The following CTNNA1 variants were observed in gnomAD, a reference collection of about 807,000 sequenced individuals.
CTNNA1 encodes the protein catenin alpha-1.
A neutral mutation model predicts 98.4 loss-of-function variants in CTNNA1; 37 were observed. That is an observed-to-expected ratio of 0.38 (90% CI 0.29 to 0.49). CTNNA1 has a LOEUF of 0.49. CTNNA1 is among the 20% of genes least tolerant of loss of function. The probability of loss-of-function intolerance (pLI) is 0.95; values close to 1 mark genes in which losing one functional copy is unlikely to be tolerated. For synonymous variants in CTNNA1, 404 were observed against 413.2 expected (o/e 0.98, Z 0.27); for missense variants, 761 against 1,147.2 (o/e 0.66, Z 4.86).
intron 7 of CTNNA1, among the ~76,000 whole-genome samples, chr5:138,850,806 A>T (rs1021127442): frequency 6.6e-6 from 1 of 152,226 alleles, no homozygotes; most frequent in Non-Finnish European, 1.5e-5. Flanking sequence ...GAGCCCAAAG[A>T]TGGATGCTTC....
In CTNNA1 at chr5:138,924,634, C is replaced by A. The variant is rs1763618320; in HGVS notation, c.1671C>A (p.Thr557=). Residue 557 remains threonine (T), a synonymous_variant, in exon 12 of 18, where the codon ACC becomes ACA. Coordinates refer to ENST00000302763, the MANE Select transcript of CTNNA1 (RefSeq NM_001903.5). ...CAGCCCGGGTCATTCACGTAGTCAC[C>A]TCAGAGATGGACAACTATGAGCCAG... is the stretch of plus-strand genomic sequence containing the variant. ...GRAARVIHVV[T]SEMDNYEPGV... 6.2e-7 allele frequency: 1 copy of A among 1,612,718 alleles called. No homozygotes were observed. The highest frequency in any genetic ancestry group is 1.7e-5 in the Admixed American group (1 of 59,802).
intron 10 of CTNNA1, among the ~76,000 whole-genome samples, chr5:138,911,682 C>G (rs568674303): frequency 6.6e-6 from 1 of 152,312 alleles, no homozygotes; most frequent in South Asian, 2.1e-4. Flanking sequence ...AGACCCATTT[C>G]AGAATTCTGA....
intron 3 of CTNNA1, among the ~76,000 whole-genome samples, chr5:138,807,483 C>T (rs1758213662): frequency 6.6e-6 from 1 of 151,996 alleles, no homozygotes; most frequent in Non-Finnish European, 1.5e-5. Context: ...GTGCTTCCTC[C>T]TTTGAATTCC....
intron 1 of CTNNA1, among the ~76,000 whole-genome samples, chr5:138,775,912 G>C (rs1275497594): frequency 2.0e-5 from 3 of 151,104 alleles, no homozygotes; most frequent in Non-Finnish European, 3.0e-5. Context: ...ATTTTTAGTA[G>C]AGACGGGGTT....
Position 138,930,916 on chromosome 5 carries a change from G to A in CTNNA1, c.2279G>A (p.Gly760Asp). The A allele has an allele frequency of 6.2e-7, 1 of 1,613,500 alleles. No homozygotes were observed. Among genetic ancestry groups the A allele is most frequent in the Non-Finnish European group, 8.5e-7 (1 of 1,179,378 alleles). The change falls in exon 16 of 18, where the codon GGC becomes GAC. Residue 760 changes from glycine (G) to aspartate (D), a missense_variant. Gly to Asp is a moderately conservative substitution (Grantham distance 94). Coordinates refer to ENST00000302763, the MANE Select transcript of CTNNA1 (RefSeq NM_001903.5). ...AEAGSRMDKLGRTIADHCPDS... is the reference protein window; with the variant it reads ...AEAGSRMDKLDRTIADHCPDS... Reference sequence around the variant, plus strand: ...GCAGGATCCAGGATGGACAAGCTTGGCCGCACCATTGCAGACCATGTAAGT... The same window carrying A: ...GCAGGATCCAGGATGGACAAGCTTGACCGCACCATTGCAGACCATGTAAGT...
At chr5:138,910,472 G>A (rs116005915) in intron 10 of CTNNA1, among the ~76,000 whole-genome samples, 1,587 of 151,004 alleles carry the variant, frequency 0.011, 24 homozygotes, top group African/African-American at 0.037. Context: ...TCTACTCTTT[G>A]TTTTCTTCCT....
chr5:138,881,495 A>G (rs1314318899), intron 7 of CTNNA1, among the ~76,000 whole-genome samples: 1 of 152,224 alleles, frequency 6.6e-6, no homozygotes, highest in African/African-American at 2.4e-5. Flanking sequence ...GAAGACATGT[A>G]TTGACTCCCT....
At position 138,885,917 on chromosome 5, in the gene CTNNA1, T is replaced by C. The variant is rs75849490; in HGVS notation, c.1063-295T>C. ...GTATGCTGAACCTTGAGTTAAAATA[T>C]AAATTTAATTTTTAAAAGCCAAACT... is the stretch of plus-strand genomic sequence containing the variant. On this transcript the variant is annotated intron_variant, in intron 7 of 17. Coordinates refer to ENST00000302763, the MANE Select transcript of CTNNA1 (RefSeq NM_001903.5). 6.3e-4 allele frequency among the ~76,000 whole-genome samples: 96 copies of C among 152,294 alleles called. 2 individuals are homozygous for C. In the East Asian group the frequency reaches 0.015, roughly 24 times the overall value.
intron 3 of CTNNA1, among the ~76,000 whole-genome samples, chr5:138,794,318 CTT>C (rs1198754826): frequency 6.6e-6 from 1 of 151,732 alleles, no homozygotes; most frequent in Non-Finnish European, 1.5e-5. Flanking sequence ...GGCCTGGCCT[CTT>C]TTCTTTCAAA....
In CTNNA1 at chr5:138,904,397, C is replaced by T; in HGVS notation, c.1345C>T (p.Leu449Phe). 1.9e-6 allele frequency: 3 copies of T among 1,614,106 alleles called. No individual in the cohort carries two copies. The highest frequency in any genetic ancestry group is 1.7e-6 in the Non-Finnish European group (2 of 1,179,982). ...SISNNEEGVK[L>F]VRMSASQLEA... ...CTCAAATAATGAAGAAGGTGTAAAG[C>T]TTGTTCGAATGTCTGCAAGCCAGTT... is the stretch of plus-strand genomic sequence containing the variant. Residue 449 changes from leucine to phenylalanine, a missense_variant, in exon 10 of 18, where the codon CTT becomes TTT. Physicochemically the swap from Leu to Phe is conservative, Grantham distance 22. Around this residue, in one of 6 missense-constraint regions of CTNNA1, gnomAD observed 287 missense variants for 436.0 expected, o/e 0.66. Transcript: ENST00000302763.
intron 3 of CTNNA1, among the ~76,000 whole-genome samples, chr5:138,798,092 T>G (rs1757163956): frequency 1.3e-5 from 2 of 152,220 alleles, no homozygotes; most frequent in Non-Finnish European, 2.9e-5. Flanking sequence ...GTATCATGAC[T>G]TTATTTCTAA....
chr5:138,802,084 A>G (rs994468343), intron 3 of CTNNA1, among the ~76,000 whole-genome samples: 9 of 152,230 alleles, frequency 5.9e-5, no homozygotes, highest in African/African-American at 2.2e-4. Flanking sequence ...TTAGAAAGAA[A>G]TATGATGATT....
chr5:138,872,873 C>T (rs1201584172), intron 7 of CTNNA1: 2 of 556,044 alleles, frequency 3.6e-6, no homozygotes, highest in Admixed American at 6.8e-5. Flanking sequence ...AATACTTCAA[C>T]ACTTCAAAAA....
intron 5 of CTNNA1, among the ~76,000 whole-genome samples, chr5:138,820,684 C>T (rs552447548): frequency 6.6e-5 from 10 of 152,044 alleles, no homozygotes; most frequent in Non-Finnish European, 1.5e-4. Flanking sequence ...TGCGCTTTGG[C>T]ACTCTATCTC....
intron 7 of CTNNA1, among the ~76,000 whole-genome samples, chr5:138,858,594 C>CTTTTT (rs147487025): frequency 4.8e-4 from 60 of 124,042 alleles, no homozygotes; most frequent in Non-Finnish European, 7.7e-4. Flanking sequence ...TTTTCTTTTT[C>CTTTTT]TTTTTTTTTT....
chr5:138,874,616 GCTA>G lies in CTNNA1; in HGVS notation c.1063-11595_1063-11593del. On this transcript the variant is annotated intron_variant, in intron 7 of 17. Coordinates refer to ENST00000302763, the MANE Select transcript of CTNNA1 (RefSeq NM_001903.5). The surrounding 1 kb of genome is among the most constrained non-coding windows in gnomAD (Gnocchi z 4.1). ...GGATATTTTTCAGCAGAACATATGG[GCTA>G]TTTAAAAAAAACAACCACCACCAAC... The G allele has an allele frequency of 9.2e-7, 1 of 1,090,776 alleles. No homozygotes were observed. Among genetic ancestry groups the G allele is most frequent in the Non-Finnish European group, 1.3e-6 (1 of 777,174 alleles). The allele number at this position is 1,090,776 out of a possible 1,614,324, so 67.6% of individuals were successfully genotyped here. A position where few individuals can be genotyped will look rare whatever the true frequency, so the allele number is the denominator to read the frequency against.
At chr5:138,841,542 G>A (rs553074309) in intron 7 of CTNNA1, among the ~76,000 whole-genome samples, 1 of 152,288 alleles carries the variant, frequency 6.6e-6, no homozygotes, top group East Asian at 1.9e-4. Context: ...TTACAGACAT[G>A]AGCCACTGCA....
intron 4 of CTNNA1, among the ~76,000 whole-genome samples, chr5:138,811,638 G>A (rs1220327461): frequency 2.0e-5 from 3 of 152,140 alleles, no homozygotes; most frequent in Non-Finnish European, 2.9e-5. Flanking sequence ...GTTGAGCACC[G>A]AGTGAACCAG....
chr5:138,762,591 G>C (rs991115979), intron 1 of CTNNA1, among the ~76,000 whole-genome samples: 1 of 151,068 alleles, frequency 6.6e-6, no homozygotes, highest in Non-Finnish European at 1.5e-5. Flanking sequence ...CTTACTTGTT[G>C]ATGGGCTGTC....
Sources: gnomAD v4.1 joint callset for allele counts (sites outside exome capture counted in the v4.1 genomes callset) on GRCh38, gnomAD v4.1.1 for gene constraint, gnomAD v4.1.1 regional missense constraint, Gnocchi (gnomAD v3.1) non-coding constraint, MANE v1.5 for transcripts, NCBI Gene and HGNC (gene_info 2026-07-23, HGNC 2026-07-21) for gene names.